FRY: variants seen among roughly 807,000 people sequenced by gnomAD.
FRY encodes the protein FRY microtubule binding protein, also known as protein furry homolog.
FRY carries 128 observed loss-of-function variants against 348.4 expected under a neutral mutation model. The observed-to-expected ratio is 0.37, with a 90% confidence interval of 0.32 to 0.43. FRY has a LOEUF of 0.43. Among genes scored for constraint, FRY ranks in the 20% least tolerant of loss-of-function variants. FRY has a pLI of 1.00. For missense variants in FRY, 2,736 were observed against 3,695.2 expected, an observed-to-expected ratio of 0.74 and a Z score of 6.73; for synonymous variants, 1,370 against 1,374.7, an observed-to-expected ratio of 1.00 and a Z score of 0.08.
intron 1 of FRY, among the ~76,000 whole-genome samples, chr13:32,077,922 C>G (rs1425775513): frequency 6.6e-6 from 1 of 152,202 alleles, no homozygotes; most frequent in East Asian, 1.9e-4. Flanking sequence ...GCCTCTATCC[C>G]AAGCCCACTT....
In FRY at chr13:32,296,493, C is replaced by G. The variant is rs1452832502; in HGVS notation, c.*1033C>G. The G allele has an allele frequency of 6.6e-6, 1 of 152,322 alleles. No individual in the cohort carries two copies. Among genetic ancestry groups the G allele is most frequent in the African/African-American group, 2.4e-5 (1 of 41,354 alleles). The allele number at this position is 152,322 out of a possible 1,614,324, so 9.4% of individuals were successfully genotyped here. ...CAAGTGTTAGATGTGTGCATGTGAA[C>G]TTGTTGCACTGCAGAAACATATTCA... On this transcript the variant is annotated 3_prime_UTR_variant, in exon 61 of 61. Coordinates refer to ENST00000542859, the MANE Select transcript of FRY (RefSeq NM_023037.3).
chr13:32,104,063 T>C (rs1345073255), intron 3 of FRY, among the ~76,000 whole-genome samples: 1 of 152,210 alleles, frequency 6.6e-6, no homozygotes, highest in Non-Finnish European at 1.5e-5. Flanking sequence ...CTGTCCTTTC[T>C]TCAAAAACAT....
rs1190517386 is a variant in FRY at position 32,131,763 on chromosome 13, TTAA to T, written c.813_815del (p.Ile271del). The stretch of plus-strand genomic sequence containing the variant: ...ATATGTGGTTCAAAGCATTATCAGC[TTAA>T]TAATGGGCATGAAATTCTTTCGAAT... On this transcript the variant is annotated inframe_deletion, in exon 8 of 61. Coordinates refer to ENST00000542859, the MANE Select transcript of FRY (RefSeq NM_023037.3). The T allele has an allele frequency of 6.2e-7, 1 of 1,611,052 alleles. No homozygotes were observed. Among genetic ancestry groups the T allele is most frequent in the Non-Finnish European group, 8.5e-7 (1 of 1,177,140 alleles).
At chr13:32,274,770 TC>T (rs147812266) in intron 55 of FRY, 71 bp from the exon 56 acceptor site, 244,998 of 853,956 alleles carry the variant, frequency 0.29, 35,978 homozygotes, top group Middle Eastern at 0.36. Context: ...AAGCTACCCC[TC>T]CCCCAAAATA....
intron 23 of FRY, among the ~76,000 whole-genome samples, chr13:32,181,877 G>T: frequency 6.6e-6 from 1 of 152,244 alleles, no homozygotes; most frequent in Admixed American, 6.5e-5. Context: ...TATTGAGAAG[G>T]CATATTAAAT....
At chr13:32,098,480 A>T (rs1203625420) in intron 2 of FRY, among the ~76,000 whole-genome samples, 2 of 152,016 alleles carry the variant, frequency 1.3e-5, no homozygotes, top group Non-Finnish European at 2.9e-5. Context: ...CAAGATGATG[A>T]CTGTGATGTG....
intron 7 of FRY, among the ~76,000 whole-genome samples, chr13:32,125,789 A>T (rs1405793717): frequency 1.3e-5 from 2 of 152,216 alleles, no homozygotes. Flanking sequence ...ATTTAATCTA[A>T]TCCAGTTTAT....
chr13:32,264,021 A>G (rs1047019382), intron 53 of FRY, among the ~76,000 whole-genome samples: 1 of 152,188 alleles, frequency 6.6e-6, no homozygotes. Context: ...AAAAAAAGTA[A>G]TACCTACGTA....
chr13:32,173,354 TA>T lies in FRY; in HGVS notation c.2152-12del, dbSNP rs1405704059. On this transcript the variant is annotated splice_polypyrimidine_tract_variant and intron_variant, in intron 18 of 60. Coordinates refer to ENST00000542859, the MANE Select transcript of FRY (RefSeq NM_023037.3). ...TTCGCTGAATACAGAATGTTGTTCT[TA>T]TTGCATAACAGCTCATCGCAAATGG... 1.2e-6 allele frequency: 2 copies of T among 1,603,870 alleles called. No individual in the cohort carries two copies. Among genetic ancestry groups the T allele is most frequent in the Non-Finnish European group, 1.7e-6 (2 of 1,172,358 alleles).
intron 23 of FRY, among the ~76,000 whole-genome samples, chr13:32,182,012 C>G (rs1398766500): frequency 6.6e-6 from 1 of 152,100 alleles, no homozygotes; most frequent in Non-Finnish European, 1.5e-5. Context: ...AGGAATAGAA[C>G]CCAGGCTTTC....
At chr13:32,283,460 G>A (rs1195845432) in intron 58 of FRY, among the ~76,000 whole-genome samples, 2 of 152,126 alleles carry the variant, frequency 1.3e-5, no homozygotes, top group African/African-American at 4.8e-5. Flanking sequence ...TAGATAGAAG[G>A]GGCTTGAGTT....
At chr13:32,245,498 C>T (rs1356412534) in intron 47 of FRY, among the ~76,000 whole-genome samples, 4 of 151,944 alleles carry the variant, frequency 2.6e-5, no homozygotes, top group Non-Finnish European at 5.9e-5. Flanking sequence ...CCTATAGTCC[C>T]AGCTACTTAG....
chr13:32,164,967 G>A (rs1448293217), intron 17 of FRY, among the ~76,000 whole-genome samples: 1 of 152,172 alleles, frequency 6.6e-6, no homozygotes, highest in Non-Finnish European at 1.5e-5. Flanking sequence ...CTCTTTCAAA[G>A]CTCTCAGCAA....
intron 58 of FRY, among the ~76,000 whole-genome samples, chr13:32,280,133 C>T (rs1888738756): frequency 6.6e-6 from 1 of 152,166 alleles, no homozygotes; most frequent in Non-Finnish European, 1.5e-5. Context: ...TAGCTGAAGA[C>T]ACCACAGCTT....
chr13:32,134,152 G>A (rs1190620872), intron 8 of FRY, among the ~76,000 whole-genome samples: 2 of 152,194 alleles, frequency 1.3e-5, no homozygotes, highest in African/African-American at 4.8e-5. Flanking sequence ...CCAGGAAGGA[G>A]AGAGAGGTGG....
At chr13:32,095,281 C>A (rs1342785994) in intron 2 of FRY, among the ~76,000 whole-genome samples, 1 of 148,858 alleles carries the variant, frequency 6.7e-6, no homozygotes, top group Non-Finnish European at 1.5e-5. Flanking sequence ...AATATTTTCT[C>A]CTGTTCTGTG....
chr13:32,178,239 G>T lies in FRY; in HGVS notation c.2484G>T (p.Leu828=), dbSNP rs369663238. 1.7e-5 allele frequency: 27 copies of T among 1,613,948 alleles called. No homozygotes were observed. Among genetic ancestry groups the T allele is most frequent in the Non-Finnish European group, 1.9e-5 (22 of 1,179,956 alleles). ...LQWLVEWNAV[L]VNSHYDVKSP... ...GGTTGGTGGAATGGAACGCAGTCCTGGTCAATAGCCATTATGATGTGAAAA... is the reference window on the plus strand; with the variant it reads ...GGTTGGTGGAATGGAACGCAGTCCTTGTCAATAGCCATTATGATGTGAAAA... Residue 828 remains leucine, a synonymous_variant, in exon 21 of 61, where the codon CTG becomes CTT. Transcript: ENST00000542859.
intron 2 of FRY, among the ~76,000 whole-genome samples, chr13:32,089,379 A>AG (rs1876100204): frequency 6.6e-6 from 1 of 152,156 alleles, no homozygotes; most frequent in South Asian, 2.1e-4. Flanking sequence ...GGTTGAAGGC[A>AG]GGGGGGTTGG....
rs531725020 is a variant in FRY at position 32,191,540 on chromosome 13, T to G, written c.3592-2603T>G. 7.9e-4 allele frequency among the ~76,000 whole-genome samples: 121 copies of G among 152,304 alleles called. 1 individual carries two copies. Among genetic ancestry groups the G allele is most frequent in the African/African-American group, 2.8e-3 (117 of 41,570 alleles). On this transcript the variant is annotated intron_variant, in intron 28 of 60. Transcript: ENST00000542859. Reference sequence around the variant, plus strand: ...ACATAAGAAAACATTCTCAAGCTCATTAATAATCATGTATCTTAGTCCATT... The same window carrying G: ...ACATAAGAAAACATTCTCAAGCTCAGTAATAATCATGTATCTTAGTCCATT...
Sources: allele counts gnomAD v4.1 joint callset (sites outside exome capture counted in the v4.1 genomes callset), GRCh38; gene constraint gnomAD v4.1.1; transcripts MANE v1.5; gene names NCBI Gene and HGNC (gene_info 2026-07-23, HGNC 2026-07-21).